PCLO: variants seen among roughly 807,000 people sequenced by gnomAD.
The protein encoded by PCLO is protein piccolo.
Under a neutral mutation model 427.5 loss-of-function variants are expected in PCLO, and 82 were observed. That is an observed-to-expected ratio of 0.19 (90% confidence interval 0.16 to 0.23). The LOEUF (loss-of-function observed/expected upper bound fraction) is 0.23. Ranked by LOEUF, PCLO falls within the 10% of genes least tolerant of loss-of-function variation. The pLI is 1.00. For synonymous variants in PCLO, 2,357 were observed against 2,155.4 expected, an observed-to-expected ratio of 1.09 and a Z score of -2.59; for missense variants, 6,239 against 6,115.9, an observed-to-expected ratio of 1.02 and a Z score of -0.67.
At chr7:83,049,571 G>A (rs1030649468) in intron 3 of PCLO, among the ~76,000 whole-genome samples, 1 of 152,158 alleles carries the variant, frequency 6.6e-6, no homozygotes, top group Non-Finnish European at 1.5e-5. Context: ...ACATCTGTGT[G>A]ACAGCAAGGG....
rs963151272 is a variant in PCLO, at chr7:83,139,929, T to C, written c.1894-4273A>G. ...TTTGTATTTCAGCACTTAACAGTCT[T>C]GTATTGAAAACAGCAGCTTTTGCAA... is the stretch of plus-strand genomic sequence containing the variant. On this transcript the variant is annotated intron_variant, in intron 2 of 24. Coordinates refer to ENST00000333891, the MANE Select transcript of PCLO (RefSeq NM_033026.6). Among the ~76,000 whole-genome samples the C allele has an allele frequency of 1.4e-4, 21 of 152,230 alleles. No individual in the cohort carries two copies. In the South Asian group the frequency reaches 4.1e-3, roughly 30 times the overall value.
Position 82,978,854 on chromosome 7 carries a change from ACAAACAC to A in PCLO, c.3301-12374_3301-12368del, listed in dbSNP as rs1562896049. 2.3e-3 allele frequency among the ~76,000 whole-genome samples: 234 copies of A among 100,142 alleles called. 1 individual carries two copies. The highest frequency in any genetic ancestry group is 6.9e-3 in the African/African-American group (205 of 29,726). The allele number at this position is 100,142 out of a possible 152,430, so 65.7% of individuals were successfully genotyped here. ...ACAAGAAACACACACACACACACAC[ACAAACAC>A]ACACACACACACACACACACACACA... On this transcript the variant is annotated intron_variant, in intron 3 of 24. Coordinates refer to ENST00000333891, the MANE Select transcript of PCLO (RefSeq NM_033026.6).
intron 3 of PCLO, among the ~76,000 whole-genome samples, chr7:83,107,263 G>T (rs1213490751): frequency 6.6e-6 from 1 of 152,030 alleles, no homozygotes; most frequent in East Asian, 1.9e-4. Flanking sequence ...GAAATAAAAT[G>T]TACCTCTATT....
chr7:83,112,720 TAAAG>T (rs1366477568), intron 3 of PCLO, among the ~76,000 whole-genome samples: 2 of 152,162 alleles, frequency 1.3e-5, no homozygotes, highest in Admixed American at 6.5e-5. Flanking sequence ...CTTTCATACA[TAAAG>T]AAAGCATTCA....
chr7:82,809,471 G>C (rs1791522238), intron 20 of PCLO, among the ~76,000 whole-genome samples: 1 of 151,596 alleles, frequency 6.6e-6, no homozygotes, highest in African/African-American at 2.4e-5. Flanking sequence ...ATTCAGAAGT[G>C]ACCTCTCCTA....
chr7:82,939,658 T>TAG (rs1249895087), intron 6 of PCLO, among the ~76,000 whole-genome samples: 1 of 147,508 alleles, frequency 6.8e-6, no homozygotes, highest in African/African-American at 2.5e-5. Flanking sequence ...TATATATATA[T>TAG]ATAGAGAGAG....
At chr7:83,021,345 AT>A (rs1344778758) in intron 3 of PCLO, among the ~76,000 whole-genome samples, 2 of 152,196 alleles carry the variant, frequency 1.3e-5, no homozygotes, top group Non-Finnish European at 2.9e-5. Context: ...GTCCTACAAT[AT>A]CAGAGTGTGA....
chr7:83,046,135 C>T (rs1345425450), intron 3 of PCLO, among the ~76,000 whole-genome samples: 2 of 152,000 alleles, frequency 1.3e-5, no homozygotes, highest in Non-Finnish European at 2.9e-5. Context: ...TGGATTAGGG[C>T]CCATCCTAAT....
intron 22 of PCLO, among the ~76,000 whole-genome samples, chr7:82,773,889 G>C (rs1790695766): frequency 6.6e-6 from 1 of 152,082 alleles, no homozygotes; most frequent in African/African-American, 2.4e-5. Flanking sequence ...AGAGGAGAGA[G>C]CCCAGGGTAC....
chr7:83,094,461 C>G (rs1032265456), intron 3 of PCLO, among the ~76,000 whole-genome samples: 1 of 152,080 alleles, frequency 6.6e-6, no homozygotes, highest in South Asian at 2.1e-4. Flanking sequence ...CCTGCCTCGG[C>G]CTCCCAAAGT....
At chr7:82,863,531 A>C (rs1193989143) in intron 10 of PCLO, among the ~76,000 whole-genome samples, 1 of 151,978 alleles carries the variant, frequency 6.6e-6, no homozygotes, top group African/African-American at 2.4e-5. Flanking sequence ...AAAAGTTATC[A>C]ATCTCTTTAA....
chr7:82,901,869 CAAT>C (rs934537547), intron 9 of PCLO, among the ~76,000 whole-genome samples: 2 of 151,936 alleles, frequency 1.3e-5, no homozygotes, highest in African/African-American at 2.4e-5. Context: ...ATCAAAACAA[CAAT>C]GAGATACCAT....
At chr7:82,821,828 A>G (rs1584010743) in intron 20 of PCLO, 4 of 981,578 alleles carry the variant, frequency 4.1e-6, no homozygotes, top group African/African-American at 1.7e-5. Context: ...GCTTATACAT[A>G]TATTAATTTA....
intron 14 of PCLO, among the ~76,000 whole-genome samples, chr7:82,839,147 G>T (rs1792303952): frequency 6.6e-6 from 1 of 152,096 alleles, no homozygotes; most frequent in Admixed American, 6.6e-5. Flanking sequence ...AATTCTGTTT[G>T]ATGTTACTTT....
chr7:83,066,865 C>T (rs1489388033), intron 3 of PCLO, among the ~76,000 whole-genome samples: 2 of 152,074 alleles, frequency 1.3e-5, no homozygotes, highest in Admixed American at 1.3e-4. Flanking sequence ...TATTCTGTAC[C>T]TACATTTTCT....
chr7:83,111,992 T>A (rs917771015), intron 3 of PCLO, among the ~76,000 whole-genome samples: 49 of 152,198 alleles, frequency 3.2e-4, no homozygotes, highest in Admixed American at 2.0e-4. Context: ...TATTTATAAT[T>A]TCACTGAGAG....
intron 9 of PCLO, 108 bp downstream of exon 9, chr7:82,902,543 T>C: frequency 3.2e-6 from 2 of 629,818 alleles, no homozygotes; most frequent in South Asian, 3.6e-5. Flanking sequence ...AACATGCACA[T>C]TGTGCACATG....
chr7:82,776,241 G>A (rs1374149276), intron 22 of PCLO, among the ~76,000 whole-genome samples: 2 of 152,146 alleles, frequency 1.3e-5, no homozygotes, highest in East Asian at 3.9e-4. Flanking sequence ...GGGCATCCTT[G>A]TTGAGCTAAG....
At chr7:83,122,465 T>G (rs374969223) in intron 3 of PCLO, among the ~76,000 whole-genome samples, 1 of 152,194 alleles carries the variant, frequency 6.6e-6, no homozygotes, top group African/African-American at 2.4e-5. Context: ...TTTGTATTTT[T>G]AGTAGAGAGA....
Sources: allele counts gnomAD v4.1 joint callset (sites outside exome capture counted in the v4.1 genomes callset), GRCh38; gene constraint gnomAD v4.1.1; transcripts MANE v1.5; gene names NCBI Gene and HGNC (gene_info 2026-07-23, HGNC 2026-07-21).